MYO15A: variants seen among roughly 807,000 people sequenced by gnomAD.
MYO15A encodes the protein myosin XVA.
A neutral mutation model predicts 394.6 loss-of-function variants in MYO15A; 308 were observed. That is an observed-to-expected ratio of 0.78 (90% CI 0.71 to 0.86). MYO15A has a LOEUF of 0.86. Ranked by LOEUF, MYO15A falls within the 40% of genes least tolerant of loss-of-function variation. The pLI is 0.00. For missense variants in MYO15A, 4,606 were observed against 4,799.1 expected (o/e 0.96, Z 1.19); for synonymous variants, 1,957 against 2,003.8 (o/e 0.98, Z 0.62).
chr17:18,130,034 C>A (rs574517835), intron 7 of MYO15A, among the ~76,000 whole-genome samples: 1 of 152,276 alleles, frequency 6.6e-6, no homozygotes, highest in Admixed American at 6.5e-5. Context: ...CGCCCACGAC[C>A]ACGCCCGGCT....
intron 12 of MYO15A, among the ~76,000 whole-genome samples, chr17:18,134,179 G>C (rs1477520611): frequency 6.6e-6 from 1 of 151,678 alleles, no homozygotes; most frequent in African/African-American, 2.4e-5. Flanking sequence ...TAGTAGAGAT[G>C]GGGTTTCATC....
Position 18,121,937 on chromosome 17 carries a change from C to A in MYO15A, c.3137C>A (p.Pro1046His). The A allele has an allele frequency of 1.2e-6, 2 of 1,613,398 alleles. No individual in the cohort carries two copies. The highest frequency in any genetic ancestry group is 1.7e-6 in the Non-Finnish European group (2 of 1,179,980). The change falls in exon 2 of 66, where the codon CCC becomes CAC. Residue 1046 changes from proline (P) to histidine (H), a missense_variant. By Grantham distance (77) the Pro-to-His change is moderately conservative. Coordinates refer to ENST00000647165, the MANE Select transcript of MYO15A (RefSeq NM_016239.4). The surrounding 1 kb of genome is among the most constrained non-coding windows in gnomAD (Gnocchi z 5.3). The stretch of plus-strand genomic sequence containing the variant: ...GTCACTCCCCCCAAGGATATCACTC[C>A]CCCCAAGGATGTCCTCCCAGAGCAA... ...KDVTPPKDIT[P>H]PKDVLPEQKT... is the part of the protein sequence containing the mutation.
At chr17:18,157,576 C>A (rs2046697845) in intron 50 of MYO15A, 146 bp from the exon 51 acceptor site, 6 of 1,442,550 alleles carry the variant, frequency 4.2e-6, no homozygotes, top group Non-Finnish European at 4.6e-6. Context: ...AGCCTGTTTC[C>A]TCATCTGTAA....
chr17:18,174,014 G>C, intron 65 of MYO15A, 93 bp downstream of exon 65: 2 of 1,502,952 alleles, frequency 1.3e-6, no homozygotes, highest in Admixed American at 2.0e-5. Context: ...GCCCCAGGGA[G>C]TATCCAGGCC....
In MYO15A at chr17:18,151,960, G is replaced by A. The variant is rs919167961; in HGVS notation, c.7893+9G>A. On this transcript the variant is annotated intron_variant, in intron 41 of 65. Coordinates refer to ENST00000647165, the MANE Select transcript of MYO15A (RefSeq NM_016239.4). ...CTGCACCTGGCACCCAGGTGAGGGGGGAAGGTGGGGCTGAGCCCAGGTGGA... is the reference window on the plus strand; with the variant it reads ...CTGCACCTGGCACCCAGGTGAGGGGAGAAGGTGGGGCTGAGCCCAGGTGGA... 10 of 1,554,830 alleles carry A rather than the reference G, an allele frequency of 6.4e-6. No individual in the cohort carries two copies. The African/African-American group carries it at 1.2e-4, about 19-fold the overall frequency.
chr17:18,124,032 C>A, intron 2 of MYO15A: 1 of 232,800 alleles, frequency 4.3e-6, no homozygotes, highest in South Asian at 6.9e-5. Context: ...CACGCATTTT[C>A]CCCAGGATGA....
intron 5 of MYO15A, 86 bp downstream of exon 5, chr17:18,126,542 C>CT: frequency 7.4e-7 from 1 of 1,343,106 alleles, no homozygotes; most frequent in Middle Eastern, 2.2e-4. Context: ...TGCACCTGAG[C>CT]CATGAGTCAG....
Position 18,122,399 on chromosome 17 carries a change from G to A in MYO15A, c.3599G>A (p.Trp1200Ter). The change falls in exon 2 of 66, where the codon TGG becomes TAG. Residue 1200 changes from tryptophan to a stop codon, truncating the protein, a stop_gained. Coordinates refer to ENST00000647165, the MANE Select transcript of MYO15A (RefSeq NM_016239.4). LOFTEE classifies it high-confidence loss of function. ...GSWEEVGPPS[W>*]RNKMHSIRNL... is the part of the protein sequence containing the mutation. Reference sequence around the variant, plus strand: ...TGGGAGGAGGTCGGCCCGCCAAGCTGGCGGAACAAGGTATGGAGGCACAGA... The same window carrying A: ...TGGGAGGAGGTCGGCCCGCCAAGCTAGCGGAACAAGGTATGGAGGCACAGA... 1 of 1,612,258 alleles carries A rather than the reference G, an allele frequency of 6.2e-7. No homozygotes were observed. Among genetic ancestry groups the A allele is most frequent in the Non-Finnish European group, 8.5e-7 (1 of 1,179,744 alleles).
At position 18,167,704 on chromosome 17, in the gene MYO15A, C is replaced by T. The variant is rs1228348977; in HGVS notation, c.10063C>T (p.His3355Tyr). Residue 3355 changes from histidine to tyrosine, a missense_variant, in exon 62 of 66, where the codon CAC becomes TAC. By Grantham distance (83) the His-to-Tyr change is moderately conservative. Coordinates refer to ENST00000647165, the MANE Select transcript of MYO15A (RefSeq NM_016239.4). The stretch of plus-strand genomic sequence containing the variant: ...TTCACTGCAGCATCGCGCCAAGGAC[C>T]ACTTCTACCTGCCGAGCGTGTGAGC... Reference protein sequence around the residue: ...LASLQHRAKDHFYLPSVREVQ... With the variant: ...LASLQHRAKDYFYLPSVREVQ... The T allele has an allele frequency of 1.9e-6, 3 of 1,603,784 alleles. No individual in the cohort carries two copies. The highest frequency in any genetic ancestry group is 1.1e-5 in the South Asian group (1 of 91,086).
In MYO15A at chr17:18,120,841, TC is replaced by T. The variant is rs2142251406; in HGVS notation, c.2045del (p.Pro682ArgfsTer46). ...SSGPPPAPPL[S>X]PALSGLPRPA... is the part of the protein sequence containing the mutation. ...CGGGCCCCCGCCCGCGCCGCCGCTC[TC>T]CCCGGCGCTCTCGGGCCTGCCCCGG... On this transcript the variant is annotated frameshift_variant, in exon 2 of 66. Coordinates refer to ENST00000647165, the MANE Select transcript of MYO15A (RefSeq NM_016239.4). LOFTEE classifies it high-confidence loss of function. The T allele has an allele frequency of 8.6e-7, 1 of 1,159,904 alleles. No individual in the cohort carries two copies. The highest frequency in any genetic ancestry group is 1.1e-6 in the Non-Finnish European group (1 of 942,506). 71.9% of individuals were successfully genotyped at this position (1,159,904 alleles called of 1,614,324 possible).
At chr17:18,160,090 C>T in intron 56 of MYO15A, 73 bp downstream of exon 56, 1 of 1,444,844 alleles carries the variant, frequency 6.9e-7, no homozygotes, top group Non-Finnish European at 9.5e-7. Context: ...TTCAGCCTCC[C>T]ACCTCCTCAG....
In MYO15A at chr17:18,159,616, G is replaced by T. The variant is rs775041185; in HGVS notation, c.9240G>T (p.Arg3080Ser). The T allele has an allele frequency of 1.2e-6, 2 of 1,614,116 alleles. No homozygotes were observed. The highest frequency in any genetic ancestry group is 8.5e-7 in the Non-Finnish European group (1 of 1,180,030). The change falls in exon 55 of 66, where the codon AGG (arginine) becomes AGT (serine). Residue 3080 changes from arginine to serine, a missense_variant. Physicochemically the swap from Arg to Ser is moderately radical, Grantham distance 110. Around this residue, in one of 2 missense-constraint regions of MYO15A, gnomAD observed 2,776 missense variants for 3,109.3 expected, o/e 0.89. Coordinates refer to ENST00000647165, the MANE Select transcript of MYO15A (RefSeq NM_016239.4). ...AGGTCTTTCCTACAGCTGTAATGAG[G>T]TTCATGGGGGATGCCCCACTGAAGG... ...MATDMFLAVMRFMGDAPLKGQ... is the reference protein window; with the variant it reads ...MATDMFLAVMSFMGDAPLKGQ...
chr17:18,120,099 C>G lies in MYO15A; in HGVS notation c.1299C>G (p.Ala433=), dbSNP rs763225345. The G allele has an allele frequency of 5.6e-6, 9 of 1,612,400 alleles. No individual in the cohort carries two copies. The highest frequency in any genetic ancestry group is 1.1e-5 in the South Asian group (1 of 91,082). ...NPYAHAMDDI[A]ELEEPEDAGV... Reference sequence around the variant, plus strand: ...ATGCCCACGCCATGGATGACATCGCCGAGCTGGAGGAACCAGAGGACGCGG... The same window carrying G: ...ATGCCCACGCCATGGATGACATCGCGGAGCTGGAGGAACCAGAGGACGCGG... The change falls in exon 2 of 66, where the codon GCC becomes GCG. Residue 433 remains alanine (A), a synonymous_variant. Coordinates refer to ENST00000647165, the MANE Select transcript of MYO15A (RefSeq NM_016239.4).
At chr17:18,160,853 A>C in intron 56 of MYO15A, 1 of 342,908 alleles carries the variant, frequency 2.9e-6, no homozygotes, top group South Asian at 2.3e-5. Context: ...TCTTGTTACC[A>C]TCAGGTCCAC....
At position 18,154,694 on chromosome 17, in the gene MYO15A, G is replaced by T; in HGVS notation, c.8163G>T (p.Thr2721=). Residue 2721 remains threonine, a synonymous_variant, in exon 45 of 66, where the codon ACG becomes ACT. Transcript: ENST00000647165. Reference sequence around the variant, plus strand: ...TGTTCCCACAGATCCTGCACGACACGCTCTCCGAGGCCTGCCTTCGCATCT... The same window carrying T: ...TGTTCCCACAGATCCTGCACGACACTCTCTCCGAGGCCTGCCTTCGCATCT... ...DLLFRQILHD[T]LSEACLRISE... 6.2e-7 allele frequency: 1 copy of T among 1,613,554 alleles called. No individual in the cohort carries two copies. Among genetic ancestry groups the T allele is most frequent in the Non-Finnish European group, 8.5e-7 (1 of 1,180,026 alleles).
chr17:18,121,940 C>T lies in MYO15A; in HGVS notation c.3140C>T (p.Pro1047Leu), dbSNP rs77565048. 4 of 1,613,412 alleles carry T rather than the reference C, an allele frequency of 2.5e-6. No homozygotes were observed. The highest frequency in any genetic ancestry group is 3.4e-6 in the Non-Finnish European group (4 of 1,179,968). ...ACTCCCCCCAAGGATATCACTCCCC[C>T]CAAGGATGTCCTCCCAGAGCAAAAG... The part of the protein sequence containing the change: ...DVTPPKDITP[P>L]KDVLPEQKTL... Residue 1047 changes from proline (P) to leucine (L), a missense_variant, in exon 2 of 66, where the codon CCC (proline) becomes CTC (leucine). Pro to Leu is a moderately conservative substitution (Grantham distance 98). Around this residue, in one of 2 missense-constraint regions of MYO15A, gnomAD observed 1,830 missense variants for 1,689.7 expected, o/e 1.08. Coordinates refer to ENST00000647165, the MANE Select transcript of MYO15A (RefSeq NM_016239.4). The surrounding 1 kb of genome is among the most constrained non-coding windows in gnomAD (Gnocchi z 5.3).
intron 64 of MYO15A, 24 bp from the exon 65 acceptor site, chr17:18,173,757 C>A: frequency 1.2e-6 from 2 of 1,613,670 alleles, no homozygotes; most frequent in East Asian, 4.5e-5. Flanking sequence ...CAGGCCTGTC[C>A]GGCCCCTCTC....
rs762883053 is a variant in MYO15A, at chr17:18,172,140, C to T, written c.10217-17C>T. 1.2e-6 allele frequency: 2 copies of T among 1,613,888 alleles called. No homozygotes were observed. The highest frequency in any genetic ancestry group is 1.7e-6 in the Non-Finnish European group (2 of 1,180,000). ...GCCCTGCCCAGCACGTAACTGCCACCCCCTCTCCCTGCCCAGGCCTCCTCA... is the reference window on the plus strand; with the variant it reads ...GCCCTGCCCAGCACGTAACTGCCACTCCCTCTCCCTGCCCAGGCCTCCTCA... On this transcript the variant is annotated splice_polypyrimidine_tract_variant and intron_variant, in intron 63 of 65. Transcript: ENST00000647165.
At chr17:18,152,257 G>C in intron 42 of MYO15A, 73 bp downstream of exon 42, 1 of 1,422,748 alleles carries the variant, frequency 7.0e-7, no homozygotes, top group Non-Finnish European at 9.6e-7. Flanking sequence ...AGGTGAGTGT[G>C]TCGGTGGAGT....
Sources: gnomAD v4.1 joint callset for allele counts (sites outside exome capture counted in the v4.1 genomes callset) on GRCh38, gnomAD v4.1.1 for gene constraint, gnomAD v4.1.1 regional missense constraint, Gnocchi (gnomAD v3.1) non-coding constraint, MANE v1.5 for transcripts, NCBI Gene and HGNC (gene_info 2026-07-23, HGNC 2026-07-21) for gene names.